Variants in C6orf89 observed in about 807,000 individuals in gnomAD.
C6orf89 encodes the protein chromosome 6 open reading frame 89.
C6orf89 carries 29 observed loss-of-function variants against 40.7 expected under a neutral mutation model. The ratio of observed to expected loss-of-function variants is 0.71; its 90% CI spans 0.53 to 0.97. The LOEUF (loss-of-function observed/expected upper bound fraction) is 0.97. Ranked by LOEUF, C6orf89 falls within the 50% of genes least tolerant of loss-of-function variation. The pLI, the probability that C6orf89 is intolerant of heterozygous loss-of-function variation, is 0.00. For synonymous variants in C6orf89, 165 were observed against 152.2 expected (o/e 1.08, Z -0.62); for missense variants, 392 against 429.1 (o/e 0.91, Z 0.76).
At chr6:36,884,721 A>G (rs1195849088), upstream of C6orf89, among the ~76,000 whole-genome samples, 3 of 152,182 alleles carry the variant, frequency 2.0e-5, no homozygotes, top group Non-Finnish European at 4.4e-5. The surrounding 1 kb of genome is among the most constrained non-coding windows in gnomAD (Gnocchi z 4.0). Context: ...AAACAAAATC[A>G]TGGGAGGCCA....
chr6:36,907,115 G>A (rs1761958215), intron 4 of C6orf89, among the ~76,000 whole-genome samples: 1 of 151,962 alleles, frequency 6.6e-6, no homozygotes. Flanking sequence ...TTCAGTAAAT[G>A]TTTATTGAGA....
intron 1 of C6orf89, chr6:36,875,030 C>T: frequency 2.0e-6 from 1 of 499,268 alleles, no homozygotes; most frequent in Non-Finnish European, 3.6e-6. Flanking sequence ...TACCGCGCCA[C>T]TCTGGGCGAT....
At chr6:36,907,135 A>G (rs1761958677) in intron 4 of C6orf89, among the ~76,000 whole-genome samples, 1 of 152,146 alleles carries the variant, frequency 6.6e-6, no homozygotes, top group South Asian at 2.1e-4. Context: ...ACCCTGCTAT[A>G]TATGCCAGGC....
At chr6:36,905,252 C>T (rs1163949789) in intron 4 of C6orf89, among the ~76,000 whole-genome samples, 1 of 152,094 alleles carries the variant, frequency 6.6e-6, no homozygotes, top group Non-Finnish European at 1.5e-5. Flanking sequence ...GCTCAAGGTC[C>T]CAGGTCTGGT....
intron 4 of C6orf89, among the ~76,000 whole-genome samples, chr6:36,910,772 TC>T (rs1762099293): frequency 6.6e-6 from 1 of 151,610 alleles, no homozygotes; most frequent in East Asian, 1.9e-4. Context: ...GCTCAAGCGA[TC>T]CCACCTCAGC....
At chr6:36,877,621 G>A (rs1420564808) in intron 1 of C6orf89, among the ~76,000 whole-genome samples, 13 of 152,184 alleles carry the variant, frequency 8.5e-5, no homozygotes, top group African/African-American at 3.1e-4. Context: ...GAGCCACCAC[G>A]CCTGGCCAGT....
At chr6:36,907,875 C>T (rs1323329315) in intron 4 of C6orf89, among the ~76,000 whole-genome samples, 4 of 152,172 alleles carry the variant, frequency 2.6e-5, no homozygotes, top group Non-Finnish European at 2.9e-5. Flanking sequence ...GGCATGGGCT[C>T]GGCTGGCTGT....
intron 2 of C6orf89, among the ~76,000 whole-genome samples, chr6:36,880,497 CTT>C (rs537784920): frequency 5.7e-4 from 85 of 150,108 alleles, no homozygotes; most frequent in African/African-American, 2.0e-3. Context: ...AAAATAAGCA[CTT>C]AAATATTTTG....
chr6:36,886,134 A>G, intron 1 of C6orf89, 106 bp downstream of exon 1: 2 of 999,946 alleles, frequency 2.0e-6, no homozygotes, highest in Non-Finnish European at 2.6e-6. Context: ...CGCTGCTACC[A>G]CCCTCTATCC....
intron 6 of C6orf89, among the ~76,000 whole-genome samples, chr6:36,915,715 A>T (rs912651075): frequency 2.0e-5 from 3 of 151,970 alleles, no homozygotes; most frequent in African/African-American, 7.2e-5. Context: ...CAAAAAAAAA[A>T]AAGGTTGGGG....
At chr6:36,881,775 A>G (rs547547051), upstream of C6orf89, among the ~76,000 whole-genome samples, 16 of 152,256 alleles carry the variant, frequency 1.1e-4, no homozygotes, top group South Asian at 3.3e-3. Flanking sequence ...TTTTTTTTCC[A>G]TAAATGGGAC....
chr6:36,883,624 G>A (rs1459508796), upstream of C6orf89, among the ~76,000 whole-genome samples: 5 of 152,164 alleles, frequency 3.3e-5, no homozygotes, highest in African/African-American at 4.8e-5. Flanking sequence ...CCCAATGTAG[G>A]TAACAAACTT....
rs1000150054 is a variant in C6orf89, at chr6:36,924,892, C to T, written c.*1451C>T. 2.0e-5 allele frequency: 3 copies of T among 152,180 alleles called. No individual in the cohort carries two copies. Among genetic ancestry groups the T allele is most frequent in the Non-Finnish European group, 4.4e-5 (3 of 68,036 alleles). 9.4% of individuals were successfully genotyped at this position (152,180 alleles called of 1,614,324 possible). A position where few individuals can be genotyped will look rare whatever the true frequency, so the allele number is the denominator to read the frequency against. ...AGGAGCCTGCATCTCATCTCTCAGG[C>T]CCTCTTTCTCTGTGGGTCTCATGAA... On this transcript the variant is annotated 3_prime_UTR_variant, in exon 9 of 9. Transcript: ENST00000480824.
In C6orf89 at chr6:36,925,882, A is replaced by G. The variant is rs1762660723; in HGVS notation, c.*2441A>G. ...GAGAAAGTGGGGCTGCAGGGTGACG[A>G]TAAGACCACCTAACCAACTCCCCAC... is the stretch of plus-strand genomic sequence containing the variant. On this transcript the variant is annotated 3_prime_UTR_variant, in exon 9 of 9. Coordinates refer to ENST00000480824, the MANE Select transcript of C6orf89 (RefSeq NM_001286635.2). 3 of 152,258 alleles carry G rather than the reference A, an allele frequency of 2.0e-5. No individual in the cohort carries two copies. In the South Asian group the frequency reaches 6.2e-4, roughly 32 times the overall value. 9.4% of individuals were successfully genotyped at this position (152,258 alleles called of 1,614,324 possible). A position where few individuals can be genotyped will look rare whatever the true frequency, so the allele number is the denominator to read the frequency against.
rs1561865544 is a variant in C6orf89, at chr6:36,901,325, T to TATTACTA, written c.190-896_190-895insATTACTA. Among the ~76,000 whole-genome samples the TATTACTA allele has an allele frequency of 1.8e-3, 69 of 38,818 alleles. 1 individual carries two copies. The highest frequency in any genetic ancestry group is 9.1e-3 in the African/African-American group (65 of 7,140). The allele number at this position is 38,818 out of a possible 152,430, so 25.5% of individuals were successfully genotyped here. On this transcript the variant is annotated intron_variant, in intron 3 of 8. Transcript: ENST00000480824. ...ATTATTATTATTATTATTATTATTT[T>TATTACTA]TTTTTTTTTTTTTTTTTTTTTTTTT... is the stretch of plus-strand genomic sequence containing the variant.
intron 2 of C6orf89, 99 bp downstream of exon 2, chr6:36,894,702 G>A (rs1297121520): frequency 4.4e-6 from 1 of 228,046 alleles, no homozygotes; most frequent in East Asian, 1.8e-4. Context: ...TGTATGAAAT[G>A]GGATCGATCA....
Position 36,923,370 on chromosome 6 carries a change from A to C in C6orf89, c.973A>C (p.Lys325Gln). ...DIGYVDTTHW[K>Q]VYVIARGVQP... ...AGGCTATGTCGACACCACCCACTGG[A>C]AGGTCTACGTTATAGCCAGAGGGGT... Residue 325 changes from lysine (K) to glutamine (Q), a missense_variant, in exon 9 of 9, where the codon AAG becomes CAG. Physicochemically the swap from Lys to Gln is moderately conservative, Grantham distance 53. Transcript: ENST00000480824. 1 of 1,613,978 alleles carries C rather than the reference A, an allele frequency of 6.2e-7. No individual in the cohort carries two copies. The highest frequency in any genetic ancestry group is 8.5e-7 in the Non-Finnish European group (1 of 1,179,836).
chr6:36,883,036 G>C (rs1774868601), upstream of C6orf89, among the ~76,000 whole-genome samples: 1 of 152,206 alleles, frequency 6.6e-6, no homozygotes, highest in Non-Finnish European at 1.5e-5. Flanking sequence ...ACCGCGCCCG[G>C]CCTGAATTGT....
chr6:36,899,654 G>T, intron 3 of C6orf89, 21 bp downstream of exon 3: 1 of 1,607,494 alleles, frequency 6.2e-7, no homozygotes, highest in Non-Finnish European at 8.5e-7. Context: ...TCCTGAGTTG[G>T]TAATTGCTTC....
Sources: allele counts gnomAD v4.1 joint callset (sites outside exome capture counted in the v4.1 genomes callset), GRCh38; gene constraint gnomAD v4.1.1; non-coding constraint Gnocchi (gnomAD v3.1); transcripts MANE v1.5; gene names NCBI Gene and HGNC (gene_info 2026-07-23, HGNC 2026-07-21).